Variants in EPB41L2 observed in about 807,000 individuals in gnomAD.
EPB41L2 encodes erythrocyte membrane protein band 4.1 like 2.
EPB41L2 carries 43 observed loss-of-function variants against 113.0 expected under a neutral mutation model. That is an observed-to-expected ratio of 0.38 (90% confidence interval 0.30 to 0.49). The LOEUF (loss-of-function observed/expected upper bound fraction) is 0.49. EPB41L2 is among the 20% of genes least tolerant of loss of function. The pLI is 0.95. For missense variants in EPB41L2, 1,147 were observed against 1,223.4 expected (o/e 0.94, Z 0.93); for synonymous variants, 442 against 436.7 (o/e 1.01, Z -0.15).
chr6:130,890,221 G>A (rs1353787678), intron 11 of EPB41L2, 73 bp downstream of exon 11: 2 of 1,465,154 alleles, frequency 1.4e-6, no homozygotes, highest in African/African-American at 1.4e-5. Context: ...TTTATTAACT[G>A]GATTAACATT....
At chr6:130,875,367 A>C (rs1787177538) in intron 14 of EPB41L2, among the ~76,000 whole-genome samples, 1 of 152,146 alleles carries the variant, frequency 6.6e-6, no homozygotes, top group Non-Finnish European at 1.5e-5. Context: ...CTTTCCCATC[A>C]TTCTTATTGT....
At chr6:130,858,098 T>C in intron 19 of EPB41L2, 33 bp downstream of exon 19, 2 of 1,532,294 alleles carry the variant, frequency 1.3e-6, no homozygotes, top group South Asian at 1.1e-5. Flanking sequence ...GAGCAGTCAC[T>C]AGAAAGGCCA....
chr6:131,008,166 G>A (rs1786038538), intron 1 of EPB41L2, among the ~76,000 whole-genome samples: 1 of 152,216 alleles, frequency 6.6e-6, no homozygotes, highest in Admixed American at 6.5e-5. Flanking sequence ...TGTGGGCTGG[G>A]CCCAGGGTCC....
intron 19 of EPB41L2, among the ~76,000 whole-genome samples, chr6:130,846,007 C>T (rs1776939106): frequency 6.6e-6 from 1 of 152,166 alleles, no homozygotes; most frequent in African/African-American, 2.4e-5. Flanking sequence ...ACTAGGTAAA[C>T]CTTTTATTGA....
In EPB41L2 at chr6:130,862,304, G is replaced by C. The variant is rs958702160; in HGVS notation, c.2910+1334C>G. On this transcript the variant is annotated intron_variant, in intron 18 of 19. Coordinates refer to ENST00000337057, the MANE Select transcript of EPB41L2 (RefSeq NM_001431.4). ...AGGGCCTAGGTTCAATGGGGAGAGG[G>C]GGGTGGAAGAAACAATGGCTGGGAG... 1.1e-4 allele frequency among the ~76,000 whole-genome samples: 17 copies of C among 152,052 alleles called. 1 individual carries two copies. Among genetic ancestry groups the C allele is most frequent in the African/African-American group, 3.9e-4 (16 of 41,394 alleles).
chr6:130,888,612 T>TC (rs1409803961), intron 11 of EPB41L2, among the ~76,000 whole-genome samples: 6 of 152,176 alleles, frequency 3.9e-5, no homozygotes, highest in Non-Finnish European at 7.4e-5. Context: ...GAAAGAGCAA[T>TC]CATTTCTCTC....
chr6:130,850,781 G>A (rs1421558723), intron 19 of EPB41L2, among the ~76,000 whole-genome samples: 1 of 152,164 alleles, frequency 6.6e-6, no homozygotes, highest in Non-Finnish European at 1.5e-5. Flanking sequence ...AGCAAGCCTT[G>A]GGGAATGAGT....
intron 1 of EPB41L2, among the ~76,000 whole-genome samples, chr6:131,043,809 G>T (rs1032119515): frequency 3.3e-5 from 5 of 152,112 alleles, no homozygotes; most frequent in Admixed American, 6.6e-5. Flanking sequence ...ATCTTTTATA[G>T]ATACGTAGTG....
At chr6:130,845,609 G>A (rs1404944117) in intron 19 of EPB41L2, among the ~76,000 whole-genome samples, 3 of 152,048 alleles carry the variant, frequency 2.0e-5, no homozygotes, top group African/African-American at 7.2e-5. Context: ...TCGAACTCCA[G>A]GCCTCAAGCA....
At chr6:130,994,600 T>A (rs1782633099) in intron 1 of EPB41L2, among the ~76,000 whole-genome samples, 1 of 152,198 alleles carries the variant, frequency 6.6e-6, no homozygotes, top group Non-Finnish European at 1.5e-5. Context: ...TCTGCAGTTG[T>A]ACCTATAAAA....
At chr6:131,013,156 T>G (rs1277479224) in intron 1 of EPB41L2, among the ~76,000 whole-genome samples, 3 of 152,170 alleles carry the variant, frequency 2.0e-5, no homozygotes, top group Non-Finnish European at 4.4e-5. Context: ...CATATTATTT[T>G]GTAAACATGT....
At chr6:130,933,372 T>C (rs913315620) in intron 3 of EPB41L2, among the ~76,000 whole-genome samples, 3 of 152,194 alleles carry the variant, frequency 2.0e-5, no homozygotes, top group Non-Finnish European at 2.9e-5. Context: ...AGAAATATTT[T>C]GAATATAACT....
At chr6:130,964,515 T>G (rs1028304465) in intron 1 of EPB41L2, among the ~76,000 whole-genome samples, 4 of 146,852 alleles carry the variant, frequency 2.7e-5, no homozygotes, top group Admixed American at 2.7e-4. Flanking sequence ...GGATACAAAA[T>G]GTACTCACTG....
chr6:131,048,900 G>GA (rs1274189712), intron 1 of EPB41L2, among the ~76,000 whole-genome samples: 50 of 147,156 alleles, frequency 3.4e-4, no homozygotes, highest in Admixed American at 4.7e-4. Context: ...AACCTAACCA[G>GA]AAAAAAAAAA....
intron 1 of EPB41L2, among the ~76,000 whole-genome samples, chr6:131,055,219 T>C (rs1797373087): frequency 6.6e-6 from 1 of 152,092 alleles, no homozygotes; most frequent in African/African-American, 2.4e-5. Context: ...CTAAATCATA[T>C]AAAGCACCCT....
intron 1 of EPB41L2, among the ~76,000 whole-genome samples, chr6:130,981,110 T>G (rs2128675142): frequency 6.6e-6 from 1 of 152,360 alleles, no homozygotes; most frequent in South Asian, 2.1e-4. Flanking sequence ...CTAGCATTTA[T>G]ATAAACATAT....
intron 3 of EPB41L2, among the ~76,000 whole-genome samples, chr6:130,947,924 G>A (rs1375470851): frequency 2.6e-5 from 4 of 152,212 alleles, no homozygotes; most frequent in African/African-American, 9.6e-5. Flanking sequence ...TATGGCCTAT[G>A]TTGAGATGTA....
At chr6:130,891,058 A>G (rs1311542147) in intron 10 of EPB41L2, among the ~76,000 whole-genome samples, 2 of 152,242 alleles carry the variant, frequency 1.3e-5, no homozygotes, top group Non-Finnish European at 2.9e-5. Context: ...ATACAAAAGC[A>G]TGTTTTTAGC....
At chr6:131,037,692 G>A (rs780040492) in intron 1 of EPB41L2, among the ~76,000 whole-genome samples, 2 of 150,430 alleles carry the variant, frequency 1.3e-5, no homozygotes, top group South Asian at 2.1e-4. Context: ...GGGCTCAAGC[G>A]ATTCTCCTGC....
Sources: allele counts gnomAD v4.1 joint callset (sites outside exome capture counted in the v4.1 genomes callset), GRCh38; gene constraint gnomAD v4.1.1; transcripts MANE v1.5; gene names NCBI Gene and HGNC (gene_info 2026-07-23, HGNC 2026-07-21).